MGMT: variants seen among roughly 807,000 people sequenced by gnomAD.
MGMT encodes the protein O-6-methylguanine-DNA methyltransferase.
MGMT carries 14 observed loss-of-function variants against 15.9 expected under a neutral mutation model. That is an observed-to-expected ratio of 0.88 (90% CI 0.58 to 1.37). The LOEUF (loss-of-function observed/expected upper bound fraction) is 1.37. MGMT is among the 40% of genes most tolerant of loss of function. The pLI is 0.00. For missense variants in MGMT, 282 were observed against 268.1 expected, an observed-to-expected ratio of 1.05 and a Z score of -0.36; for synonymous variants, 130 against 118.2, an observed-to-expected ratio of 1.10 and a Z score of -0.65.
chr10:129,639,057 A>G (rs1032477082), intron 2 of MGMT, among the ~76,000 whole-genome samples: 1 of 152,194 alleles, frequency 6.6e-6, no homozygotes, highest in Non-Finnish European at 1.5e-5. Flanking sequence ...ATTCTTGAAA[A>G]TATATAGCCA....
intron 2 of MGMT, among the ~76,000 whole-genome samples, chr10:129,538,977 T>A (rs1003489897): frequency 6.6e-6 from 1 of 152,176 alleles, no homozygotes; most frequent in Non-Finnish European, 1.5e-5. Flanking sequence ...GTTTGTGTTT[T>A]TGTTGATGTT....
chr10:129,552,510 A>T (rs562164639), intron 2 of MGMT, among the ~76,000 whole-genome samples: 2 of 152,204 alleles, frequency 1.3e-5, no homozygotes, highest in South Asian at 4.1e-4. Flanking sequence ...AATTAAGTAC[A>T]TGTTCACGTG....
At chr10:129,733,841 G>A in intron 3 of MGMT, among the ~76,000 whole-genome samples, 1 of 152,106 alleles carries the variant, frequency 6.6e-6, no homozygotes, top group Non-Finnish European at 1.5e-5. Context: ...GCTTGTTTTT[G>A]TCAGGTTTGT....
At chr10:129,733,728 A>G (rs545150407) in intron 3 of MGMT, among the ~76,000 whole-genome samples, 1,610 of 151,928 alleles carry the variant, frequency 0.011, 22 homozygotes, top group South Asian at 0.041. Flanking sequence ...TCTTGAATTG[A>G]TTTTTGTATA....
chr10:129,521,237 G>A (rs12241333), intron 1 of MGMT, among the ~76,000 whole-genome samples: 37,752 of 152,006 alleles, frequency 0.25, 5,628 homozygotes, highest in African/African-American at 0.42. Context: ...TCATTATTTG[G>A]GAAGTGAGGA....
intron 1 of MGMT, among the ~76,000 whole-genome samples, chr10:129,525,007 A>C (rs776098527): frequency 3.9e-5 from 6 of 152,142 alleles, no homozygotes; most frequent in Non-Finnish European, 8.8e-5. Context: ...TGGCAGTTAT[A>C]ATCTGGAAAC....
Position 129,706,430 on chromosome 10 carries a change from C to G in MGMT, c.126-1465C>G, listed in dbSNP as rs576393713. Among the ~76,000 whole-genome samples, 18 of 152,172 alleles carry G rather than the reference C, an allele frequency of 1.2e-4. No homozygotes were observed. In the South Asian group the frequency reaches 1.7e-3, roughly 14 times the overall value. The stretch of plus-strand genomic sequence containing the variant: ...TTCTGTAGATCTCAGCGCACGCCCC[C>G]CAAGGCAGCCCAGGAAGGAAGGGTG... On this transcript the variant is annotated intron_variant, in intron 2 of 4. Transcript: ENST00000651593.
intron 1 of MGMT, among the ~76,000 whole-genome samples, chr10:129,495,166 CTTTTA>C (rs753333402): frequency 1.3e-5 from 2 of 152,100 alleles, no homozygotes; most frequent in Admixed American, 1.3e-4. Context: ...ATTCTATTTT[CTTTTA>C]TAAGTAACTG....
At chr10:129,594,683 A>G (rs1846729738) in intron 2 of MGMT, among the ~76,000 whole-genome samples, 1 of 152,174 alleles carries the variant, frequency 6.6e-6, no homozygotes, top group African/African-American at 2.4e-5. Flanking sequence ...TAACACCCCC[A>G]AAGAAACAGT....
intron 2 of MGMT, among the ~76,000 whole-genome samples, chr10:129,647,450 TA>T (rs1334554045): frequency 6.6e-6 from 1 of 152,206 alleles, no homozygotes; most frequent in East Asian, 1.9e-4. Flanking sequence ...GGAAATGCGC[TA>T]GGGGGTCAGC....
At chr10:129,541,269 G>T (rs1188155635) in intron 2 of MGMT, among the ~76,000 whole-genome samples, 8 of 152,252 alleles carry the variant, frequency 5.3e-5, no homozygotes, top group African/African-American at 2.4e-5. Context: ...TTCCAAAAGG[G>T]AAGCAACATA....
intron 2 of MGMT, among the ~76,000 whole-genome samples, chr10:129,623,061 T>A (rs1765497452): frequency 6.6e-6 from 1 of 152,226 alleles, no homozygotes; most frequent in South Asian, 2.1e-4. Context: ...TACCGAGCTC[T>A]CTGGTTGTCA....
intron 1 of MGMT, among the ~76,000 whole-genome samples, chr10:129,528,302 A>AGCCATGGAGAGCTGCAGTGGTATAGTG (rs1040019848): frequency 1.5e-4 from 23 of 152,082 alleles, no homozygotes; most frequent in Non-Finnish European, 2.9e-4. Flanking sequence ...AAGCCTAGCC[A>AGCCATGGAGAGCTGCAGTGGTATAGTG]GCCATGGAGA....
intron 2 of MGMT, among the ~76,000 whole-genome samples, chr10:129,545,045 G>A (rs949161064): frequency 3.9e-5 from 6 of 152,172 alleles, no homozygotes; most frequent in South Asian, 2.1e-4. Context: ...GTGTCCTTCC[G>A]TCACTGCACT....
intron 2 of MGMT, among the ~76,000 whole-genome samples, chr10:129,662,389 A>G (rs897309302): frequency 2.0e-5 from 3 of 152,208 alleles, no homozygotes; most frequent in African/African-American, 7.2e-5. Context: ...CCGTTTTAAC[A>G]CTGGGAAAAT....
chr10:129,548,880 C>T (rs1846125586), intron 2 of MGMT, among the ~76,000 whole-genome samples: 1 of 152,206 alleles, frequency 6.6e-6, no homozygotes, highest in Non-Finnish European at 1.5e-5. Flanking sequence ...GGTCCAGGCC[C>T]TGCAGGATCC....
At chr10:129,603,897 A>G (rs1203635399) in intron 2 of MGMT, among the ~76,000 whole-genome samples, 1 of 152,238 alleles carries the variant, frequency 6.6e-6, no homozygotes, top group African/African-American at 2.4e-5. Context: ...GATTGAAGAT[A>G]TTAACCCTGT....
At position 129,536,298 on chromosome 10, in the gene MGMT, T is replaced by C. The variant is rs1845983054; in HGVS notation, c.46T>C (p.Leu16=). ...EMKRTTLDSP[L]GKLELSGCEQ... ...GAAACGCACCACACTGGACAGCCCTTTGGGGAAGCTGGAGCTGTCTGGTTG... is the reference window on the plus strand; with the variant it reads ...GAAACGCACCACACTGGACAGCCCTCTGGGGAAGCTGGAGCTGTCTGGTTG... Residue 16 remains leucine, a synonymous_variant, in exon 2 of 5, where the codon TTG becomes CTG. Transcript: ENST00000651593. 11 of 1,614,058 alleles carry C rather than the reference T, an allele frequency of 6.8e-6. No individual in the cohort carries two copies. Among genetic ancestry groups the C allele is most frequent in the Non-Finnish European group, 9.3e-6 (11 of 1,180,024 alleles).
intron 1 of MGMT, among the ~76,000 whole-genome samples, chr10:129,478,727 G>A (rs1392452001): frequency 6.6e-6 from 1 of 152,244 alleles, no homozygotes; most frequent in African/African-American, 2.4e-5. Flanking sequence ...CCTGGCATCT[G>A]GCTTTGGGGG....
Sources: gnomAD v4.1 joint callset for allele counts (sites outside exome capture counted in the v4.1 genomes callset) on GRCh38, gnomAD v4.1.1 for gene constraint, MANE v1.5 for transcripts, NCBI Gene and HGNC (gene_info 2026-07-23, HGNC 2026-07-21) for gene names.